Variants in NFASC observed in about 807,000 individuals in gnomAD.
NFASC encodes neurofascin homolog.
NFASC carries 43 observed loss-of-function variants against 147.5 expected under a neutral mutation model. The observed-to-expected ratio is 0.29, with a 90% CI of 0.23 to 0.38. The LOEUF (loss-of-function observed/expected upper bound fraction) is 0.38. NFASC is among the 10% of genes least tolerant of loss of function. The pLI is 1.00. For missense variants in NFASC, 1,320 were observed against 1,689.0 expected, an observed-to-expected ratio of 0.78 and a Z score of 3.83; for synonymous variants, 622 against 665.5, an observed-to-expected ratio of 0.93 and a Z score of 1.01.
At chr1:204,848,011 C>T (rs1252020630) in intron 1 of NFASC, among the ~76,000 whole-genome samples, 1 of 152,174 alleles carries the variant, frequency 6.6e-6, no homozygotes, top group African/African-American at 2.4e-5. Flanking sequence ...TCTGGCTCTG[C>T]TTTTGTCTTC....
At chr1:205,014,580 C>T (rs928508577) in intron 29 of NFASC, among the ~76,000 whole-genome samples, 1 of 152,104 alleles carries the variant, frequency 6.6e-6, no homozygotes, top group Non-Finnish European at 1.5e-5. Flanking sequence ...GACAGGTGGC[C>T]AGACCAGGGC....
At chr1:204,949,914 C>T (rs2093996195) in intron 3 of NFASC, among the ~76,000 whole-genome samples, 1 of 152,244 alleles carries the variant, frequency 6.6e-6, no homozygotes, top group Non-Finnish European at 1.5e-5. Context: ...GGAGCTGTAG[C>T]CTCTGCTTCA....
At chr1:204,969,730 C>G (rs2095148320) in intron 10 of NFASC, among the ~76,000 whole-genome samples, 1 of 152,058 alleles carries the variant, frequency 6.6e-6, no homozygotes, top group Non-Finnish European at 1.5e-5. Context: ...CAGAAAAATC[C>G]ACATTTCCAC....
chr1:205,008,166 G>A (rs2096172528), intron 27 of NFASC, among the ~76,000 whole-genome samples: 1 of 152,278 alleles, frequency 6.6e-6, no homozygotes, highest in South Asian at 2.1e-4. Context: ...TGTAAAATCA[G>A]TCTTCACCCC....
chr1:204,969,329 G>A (rs763260944), intron 10 of NFASC, among the ~76,000 whole-genome samples: 11 of 152,124 alleles, frequency 7.2e-5, no homozygotes, highest in Admixed American at 2.6e-4. Flanking sequence ...GATGTGTCAC[G>A]TGAGCCCGTG....
At chr1:204,961,775 C>T (rs1441098775) in intron 8 of NFASC, among the ~76,000 whole-genome samples, 3 of 152,336 alleles carry the variant, frequency 2.0e-5, no homozygotes. Flanking sequence ...CTACAGGACA[C>T]CACTAATCCT....
Position 204,934,643 on chromosome 1 carries a change from C to T in NFASC, c.-90-9583C>T, listed in dbSNP as rs140269346. 2.6e-3 allele frequency among the ~76,000 whole-genome samples: 390 copies of T among 152,294 alleles called. 7 individuals carry two copies. Among genetic ancestry groups the T allele is most frequent in the Non-Finnish European group, 8.4e-4 (57 of 68,022 alleles). Reference sequence around the variant, plus strand: ...AGCCTCTCCTCTTACTGAAGATGACCACAGGGTCTTTTTCAGAAGAGAGGG... The same window carrying T: ...AGCCTCTCCTCTTACTGAAGATGACTACAGGGTCTTTTTCAGAAGAGAGGG... On this transcript the variant is annotated intron_variant, in intron 2 of 29. Coordinates refer to ENST00000339876, the MANE Select transcript of NFASC (RefSeq NM_001005388.3).
intron 22 of NFASC, 138 bp from the exon 23 acceptor site, chr1:204,988,495 C>T (rs1011361323): frequency 8.0e-6 from 6 of 748,694 alleles, no homozygotes; most frequent in South Asian, 1.7e-5. Flanking sequence ...TTGAACCAAG[C>T]CTTTAAGATC....
intron 23 of NFASC, chr1:204,990,653 G>C (rs1558394503): frequency 6.6e-6 from 1 of 152,208 alleles, no homozygotes; most frequent in Non-Finnish European, 1.5e-5. Context: ...AACTGGAGGG[G>C]AAGAATTGGA....
At chr1:204,984,253 A>G in intron 21 of NFASC, 1 of 708,890 alleles carries the variant, frequency 1.4e-6, no homozygotes, top group South Asian at 1.7e-5. Flanking sequence ...TTGTTTATTG[A>G]ATCCAGGGTT....
intron 1 of NFASC, among the ~76,000 whole-genome samples, chr1:204,849,400 A>G (rs954475919): frequency 2.0e-5 from 3 of 152,170 alleles, no homozygotes; most frequent in Non-Finnish European, 4.4e-5. Context: ...TGTGGTTCTC[A>G]TGCTTTAGCC....
chr1:204,831,210 T>G (rs551876212), intron 1 of NFASC, among the ~76,000 whole-genome samples: 1 of 151,926 alleles, frequency 6.6e-6, no homozygotes, highest in Admixed American at 6.6e-5. Context: ...GTGCAATGAA[T>G]TTCACCCCTC....
At chr1:204,850,249 A>G (rs961305105) in intron 1 of NFASC, among the ~76,000 whole-genome samples, 1 of 152,198 alleles carries the variant, frequency 6.6e-6, no homozygotes, top group Non-Finnish European at 1.5e-5. Context: ...GGGGGCTTTC[A>G]AATAGCTTGT....
In NFASC at chr1:204,979,441, C is replaced by T; in HGVS notation, c.2058C>T (p.Asn686=). The change falls in exon 19 of 30, where the codon AAC becomes AAT. Residue 686 remains asparagine (N), a synonymous_variant. Coordinates refer to ENST00000339876, the MANE Select transcript of NFASC (RefSeq NM_001005388.3). This position sits in a 1 kb window ranked among gnomAD's most constrained non-coding sequence, Gnocchi z 6.0. ...HDHSKYPGSV[N]SAVLRLSPYV... is the part of the protein sequence containing the mutation. Reference sequence around the variant, plus strand: ...ATTCCAAGTACCCCGGCAGCGTTAACTCAGCCGTCCTCCGGCTGTCCCCGT... The same window carrying T: ...ATTCCAAGTACCCCGGCAGCGTTAATTCAGCCGTCCTCCGGCTGTCCCCGT... 1 of 1,614,088 alleles carries T rather than the reference C, an allele frequency of 6.2e-7. No homozygotes were observed. Among genetic ancestry groups the T allele is most frequent in the Non-Finnish European group, 8.5e-7 (1 of 1,180,020 alleles).
At chr1:204,861,754 G>A (rs570489791) in intron 1 of NFASC, among the ~76,000 whole-genome samples, 16 of 152,326 alleles carry the variant, frequency 1.1e-4, no homozygotes, top group African/African-American at 3.4e-4. Context: ...CTCCCAAAGT[G>A]CTGGGATTAC....
chr1:204,951,814 G>A lies in NFASC; in HGVS notation c.110-197G>A, dbSNP rs7539346. Among the ~76,000 whole-genome samples the A allele has an allele frequency of 7.0e-3, 1,062 of 152,222 alleles. 10 individuals are homozygous for A. Among genetic ancestry groups the A allele is most frequent in the African/African-American group, 0.024 (988 of 41,540 alleles). On this transcript the variant is annotated intron_variant, in intron 4 of 29. Coordinates refer to ENST00000339876, the MANE Select transcript of NFASC (RefSeq NM_001005388.3). ...GGGATTCTTCTTATGCTTAATCTTT[G>A]ACACCCACCTTCTTTCCTGCGGCAC...
intron 1 of NFASC, among the ~76,000 whole-genome samples, chr1:204,915,603 C>T (rs2089021679): frequency 6.6e-6 from 1 of 152,036 alleles, no homozygotes; most frequent in Non-Finnish European, 1.5e-5. Context: ...TTTCATATCA[C>T]GTGAAGGGAT....
At chr1:204,934,335 T>C (rs2092650497) in intron 2 of NFASC, among the ~76,000 whole-genome samples, 1 of 151,980 alleles carries the variant, frequency 6.6e-6, no homozygotes. Flanking sequence ...AGTGGCAGCA[T>C]AGGTAGGCAT....
intron 17 of NFASC, 124 bp downstream of exon 17, chr1:204,977,849 G>A: frequency 1.3e-6 from 1 of 769,668 alleles, no homozygotes; most frequent in Non-Finnish European, 2.1e-6. Flanking sequence ...CAGCACTCCT[G>A]GCTACATGGG....
Sources: allele counts gnomAD v4.1 joint callset (sites outside exome capture counted in the v4.1 genomes callset), GRCh38; gene constraint gnomAD v4.1.1; non-coding constraint Gnocchi (gnomAD v3.1); transcripts MANE v1.5; gene names NCBI Gene and HGNC (gene_info 2026-07-23, HGNC 2026-07-21).